Variants in FAM161A observed in about 807,000 individuals in gnomAD.
FAM161A encodes FAM161 centrosomal protein A, also known as protein FAM161A.
Under a neutral mutation model 70.9 loss-of-function variants are expected in FAM161A, and 57 were observed. The ratio of observed to expected loss-of-function variants is 0.80; its 90% confidence interval spans 0.65 to 1.00. FAM161A has a LOEUF of 1.00. Among genes scored for constraint, FAM161A ranks in the 50% least tolerant of loss-of-function variants. The pLI, the probability that FAM161A is intolerant of heterozygous loss-of-function variation, is 0.00. For missense variants in FAM161A, 880 were observed against 836.0 expected (o/e 1.05, Z -0.65); for synonymous variants, 299 against 295.7 (o/e 1.01, Z -0.12).
rs767768523 is a variant in FAM161A, at chr2:61,839,436, C to T, written c.1568G>A (p.Arg523Gln). ...ACTTACTTACCTTACGGCTTGTTCT[C>T]GTCCTCTGGAAGATACCGTGGGCAC... ...PPVPTVSSRG[R>Q]EQAVRRSLEE... Residue 523 changes from arginine (R) to glutamine (Q), a missense_variant, in exon 3 of 7, where the codon CGA becomes CAA. Transcript: ENST00000404929. 21 of 1,613,986 alleles carry T rather than the reference C, an allele frequency of 1.3e-5. No individual in the cohort carries two copies. The Admixed American group carries it at 1.3e-4, about 10-fold the overall frequency.
downstream of FAM161A, among the ~76,000 whole-genome samples, chr2:61,821,577 G>T (rs534944281): frequency 2.6e-5 from 4 of 151,906 alleles, no homozygotes; most frequent in Admixed American, 2.6e-4. Context: ...TATATTAGTT[G>T]TAAAATAGAA....
rs769549135 is a variant in FAM161A, at chr2:61,840,467, G to C, written c.537C>G (p.Pro179=). ...LYVSSSEEEL[P]NLEKEYPRKN... ...TCCTAGGATACTCTTTTTCTAGGTT[G>C]GGTAACTCCTCTTCAGAGGAGGACA... The change falls in exon 3 of 7, where the codon CCC becomes CCG. Residue 179 remains proline (P), a synonymous_variant. Coordinates refer to ENST00000404929, the MANE Select transcript of FAM161A (RefSeq NM_001201543.2). 6.2e-7 allele frequency: 1 copy of C among 1,613,938 alleles called. No homozygotes were observed. Among genetic ancestry groups the C allele is most frequent in the South Asian group, 1.1e-5 (1 of 91,070 alleles).
chr2:61,837,342 T>C (rs1477380940), intron 4 of FAM161A, among the ~76,000 whole-genome samples: 1 of 152,142 alleles, frequency 6.6e-6, no homozygotes, highest in African/African-American at 2.4e-5. Context: ...CAAGATCCTA[T>C]AATAAATTAA....
Position 61,838,688 on chromosome 2 carries a change from T to C in FAM161A, c.1601A>G (p.Lys534Arg). The change falls in exon 4 of 7, where the codon AAG becomes AGG. Residue 534 changes from lysine to arginine, a missense_variant. By Grantham distance (26) the Lys-to-Arg change is conservative (BLOSUM62 2). Transcript: ENST00000404929. Reference protein sequence around the residue: ...EQAVRRSLEEKKMLEEERNRI... With the variant: ...EQAVRRSLEERKMLEEERNRI... Reference sequence around the variant, plus strand: ...ATTTCTCTCTTCTTCCAACATTTTCTTTTCCTCAAGTGATCTCCTGAGGGT... The same window carrying C: ...ATTTCTCTCTTCTTCCAACATTTTCCTTTCCTCAAGTGATCTCCTGAGGGT... 1 of 1,607,850 alleles carries C rather than the reference T, an allele frequency of 6.2e-7. No individual in the cohort carries two copies.
chr2:61,815,501 GAAA>G, the FAM161A span, among the ~76,000 whole-genome samples: 1 of 130,624 alleles, frequency 7.7e-6, no homozygotes, highest in African/African-American at 2.8e-5. Context: ...CTGTTTACTA[GAAA>G]AATCCTCTGT....
intron 3 of FAM161A, 49 bp from the exon 4 acceptor site, chr2:61,838,754 T>C: frequency 1.5e-6 from 2 of 1,362,086 alleles, no homozygotes; most frequent in African/African-American, 1.5e-5. Context: ...AATCAGAATG[T>C]TGTTTAGCAA....
At chr2:61,838,001 C>G (rs1672837219) in intron 4 of FAM161A, among the ~76,000 whole-genome samples, 1 of 152,174 alleles carries the variant, frequency 6.6e-6, no homozygotes, top group Non-Finnish European at 1.5e-5. Flanking sequence ...TGTGCAACAT[C>G]TGGAACACTG....
intron 5 of FAM161A, among the ~76,000 whole-genome samples, chr2:61,834,664 T>C (rs1320002681): frequency 6.6e-6 from 1 of 152,100 alleles, no homozygotes; most frequent in Non-Finnish European, 1.5e-5. Context: ...GGTTTCACCA[T>C]GTTGGCCAGG....
intron 1 of FAM161A, among the ~76,000 whole-genome samples, chr2:61,851,166 G>A (rs12465313): frequency 0.23 from 35,479 of 151,966 alleles, 4,236 homozygotes; most frequent in African/African-American, 0.25. Flanking sequence ...GAGCCACCGC[G>A]CCCGGCCCTG....
the FAM161A span, among the ~76,000 whole-genome samples, chr2:61,814,375 T>G: frequency 1.3e-5 from 2 of 152,214 alleles, no homozygotes; most frequent in Non-Finnish European, 2.9e-5. Context: ...TATTGTCATA[T>G]CACTGAAATG....
At chr2:61,843,166 C>T (rs563528226) in intron 1 of FAM161A, among the ~76,000 whole-genome samples, 27 of 152,094 alleles carry the variant, frequency 1.8e-4, no homozygotes, top group Non-Finnish European at 4.0e-4. Flanking sequence ...TTTTACGAGA[C>T]GGAGTCTCAC....
intron 1 of FAM161A, 90 bp downstream of exon 1, chr2:61,853,769 G>T: frequency 6.8e-7 from 1 of 1,473,792 alleles, no homozygotes; most frequent in Non-Finnish European, 9.3e-7. Context: ...GCGTTTACCA[G>T]CCTGCCCTCA....
At position 61,840,331 on chromosome 2, in the gene FAM161A, T is replaced by C; in HGVS notation, c.673A>G (p.Arg225Gly). The C allele has an allele frequency of 1.9e-6, 3 of 1,614,018 alleles. No homozygotes were observed. The highest frequency in any genetic ancestry group is 2.5e-6 in the Non-Finnish European group (3 of 1,179,942). Residue 225 changes from arginine (R) to glycine (G), a missense_variant, in exon 3 of 7, where the codon AGA becomes GGA. Physicochemically the swap from Arg to Gly is moderately radical, Grantham distance 125. Coordinates refer to ENST00000404929, the MANE Select transcript of FAM161A (RefSeq NM_001201543.2). ...ACCCATTCTTTTCGTTTCTTCCTTC[T>C]TTTTTCAGCTGCATGGAAGCCAGTA... ...KDTGFHAAEK[R>G]RKKRKEWVPT... is the part of the protein sequence containing the mutation.
rs1255979976 is a variant in FAM161A at position 61,825,587 on chromosome 2, A to G, written c.*868T>C. 2.3e-6 allele frequency: 1 copy of G among 444,108 alleles called. No homozygotes were observed. Among genetic ancestry groups the G allele is most frequent in the Non-Finnish European group, 4.5e-6 (1 of 224,508 alleles). The allele number at this position is 444,108 out of a possible 1,614,324, so 27.5% of individuals were successfully genotyped here. ...GATGGTGTAGACAATTTAACAGTAA[A>G]CTCTCAGTGCAAAAATAAATGTAAA... On this transcript the variant is annotated 3_prime_UTR_variant, in exon 7 of 7. Transcript: ENST00000404929.
intron 6 of FAM161A, among the ~76,000 whole-genome samples, chr2:61,826,834 C>T (rs957893140): frequency 3.3e-5 from 5 of 152,152 alleles, no homozygotes; most frequent in Admixed American, 6.5e-5. Context: ...CTTTAAACTT[C>T]ATTTGAAAGC....
chr2:61,839,829 A>G lies in FAM161A; in HGVS notation c.1175T>C (p.Leu392Ser), dbSNP rs992811130. The change falls in exon 3 of 7, where the codon TTA (leucine) becomes TCA (serine). Residue 392 changes from leucine (L) to serine (S), a missense_variant. By Grantham distance (145) the Leu-to-Ser change is moderately radical. Transcript: ENST00000404929. ...LRTQLRAQEH[L>S]QNSSPLPCRS... is the part of the protein sequence containing the mutation. ...ACAAGGCAGAGGAGATGAGTTCTGT[A>G]AATGCTCCTGGGCTCTCAGCTGTGT... 1 of 1,614,082 alleles carries G rather than the reference A, an allele frequency of 6.2e-7. No homozygotes were observed. Among genetic ancestry groups the G allele is most frequent in the African/African-American group, 1.3e-5 (1 of 74,946 alleles).
In FAM161A at chr2:61,838,652, G is replaced by A. The variant is rs1390612927; in HGVS notation, c.1637C>T (p.Thr546Ile). ...TTCTTTCATTCTTTGCTTCTGTTTA[G>A]TTAGGATCCGATTTCTCTCTTCTTC... is the stretch of plus-strand genomic sequence containing the variant. ...MLEEERNRIL[T>I]KQKQRMKELQ... Residue 546 changes from threonine to isoleucine, a missense_variant, in exon 4 of 7, where the codon ACT (threonine) becomes ATT (isoleucine). Transcript: ENST00000404929. 6.2e-7 allele frequency: 1 copy of A among 1,610,830 alleles called. No individual in the cohort carries two copies. Among genetic ancestry groups the A allele is most frequent in the Non-Finnish European group, 8.5e-7 (1 of 1,178,970 alleles).
chr2:61,851,163 C>T lies in FAM161A; in HGVS notation c.183+2696G>A, dbSNP rs1342422423. 2.8e-4 allele frequency among the ~76,000 whole-genome samples: 42 copies of T among 151,998 alleles called. 1 individual carries two copies. The highest frequency in any genetic ancestry group is 2.8e-3 in the Admixed American group (42 of 15,256). On this transcript the variant is annotated intron_variant, in intron 1 of 6. Coordinates refer to ENST00000404929, the MANE Select transcript of FAM161A (RefSeq NM_001201543.2). ...TGATGGGATTACAGATGTGAGCCAC[C>T]GCGCCCGGCCCTGTTCATTTTTAAT... is the stretch of plus-strand genomic sequence containing the variant.
chr2:61,821,877 C>T (rs1445187365), downstream of FAM161A, among the ~76,000 whole-genome samples: 1 of 152,014 alleles, frequency 6.6e-6, no homozygotes, highest in South Asian at 2.1e-4. Context: ...TCAAGCGATT[C>T]TCCTGCCTCA....
Sources: allele counts gnomAD v4.1 joint callset (sites outside exome capture counted in the v4.1 genomes callset), GRCh38; gene constraint gnomAD v4.1.1; transcripts MANE v1.5; gene names NCBI Gene and HGNC (gene_info 2026-07-23, HGNC 2026-07-21).